PPARGC1A: variants seen among roughly 807,000 people sequenced by gnomAD.
PPARGC1A encodes peroxisome proliferator-activated receptor gamma coactivator 1-alpha.
A neutral mutation model predicts 88.7 loss-of-function variants in PPARGC1A; 25 were observed. The ratio of observed to expected loss-of-function variants is 0.28; its 90% CI spans 0.21 to 0.39. The LOEUF (loss-of-function observed/expected upper bound fraction) is 0.39, where lower values mean the gene tolerates loss of function less well. Ranked by LOEUF, PPARGC1A falls within the 10% of genes least tolerant of loss-of-function variation. The pLI, the probability that PPARGC1A is intolerant of heterozygous loss-of-function variation, is 1.00. For synonymous variants in PPARGC1A, 363 were observed against 355.6 expected (o/e 1.02, Z -0.24); for missense variants, 880 against 968.7 (o/e 0.91, Z 1.22).
At chr4:24,098,255 A>G in the PPARGC1A span, among the ~76,000 whole-genome samples, 9 of 152,240 alleles carry the variant, frequency 5.9e-5, no homozygotes, top group Non-Finnish European at 1.2e-4. Flanking sequence ...TATGGCTTAC[A>G]TGGGAAAAAC....
At chr4:24,462,082 TTTTG>T in the PPARGC1A span, among the ~76,000 whole-genome samples, 17 of 152,104 alleles carry the variant, frequency 1.1e-4, no homozygotes, top group South Asian at 2.1e-4. Context: ...GCAGCATGTT[TTTTG>T]TTTGTTTGTT....
the PPARGC1A span, among the ~76,000 whole-genome samples, chr4:24,314,744 T>C: frequency 2.6e-5 from 4 of 152,192 alleles, no homozygotes. Flanking sequence ...AAATGTGTTC[T>C]GTCCATCACC....
At chr4:24,176,604 G>T in the PPARGC1A span, among the ~76,000 whole-genome samples, 1 of 152,070 alleles carries the variant, frequency 6.6e-6, no homozygotes, top group Non-Finnish European at 1.5e-5. Context: ...TGGAGCCCTG[G>T]AGTGTGAAGA....
chr4:24,432,528 T>C, the PPARGC1A span, among the ~76,000 whole-genome samples: 503 of 152,306 alleles, frequency 3.3e-3, 2 homozygotes, highest in Middle Eastern at 0.02. Context: ...CATTTAGCGA[T>C]GCATAGAGCG....
the PPARGC1A span, among the ~76,000 whole-genome samples, chr4:24,150,134 G>A: frequency 6.6e-6 from 1 of 152,094 alleles, no homozygotes; most frequent in Admixed American, 6.6e-5. Context: ...TGCAAACAAG[G>A]TGAGAGAATC....
chr4:24,254,286 G>A, the PPARGC1A span, among the ~76,000 whole-genome samples: 1 of 152,136 alleles, frequency 6.6e-6, no homozygotes, highest in Non-Finnish European at 1.5e-5. Context: ...GAAAATATGT[G>A]AGATATTGGG....
the PPARGC1A span, among the ~76,000 whole-genome samples, chr4:23,910,098 CATAT>C: frequency 7.5e-6 from 1 of 133,440 alleles, no homozygotes; most frequent in Non-Finnish European, 1.5e-5. Flanking sequence ...ATATTTTACA[CATAT>C]ATATGTATAT....
At chr4:23,981,869 TG>T in the PPARGC1A span, among the ~76,000 whole-genome samples, 1 of 152,132 alleles carries the variant, frequency 6.6e-6, no homozygotes, top group Non-Finnish European at 1.5e-5. Context: ...AAGGAGATGC[TG>T]GGCTTAGTGA....
the PPARGC1A span, among the ~76,000 whole-genome samples, chr4:24,260,120 A>G: frequency 1.3e-5 from 2 of 152,226 alleles, no homozygotes; most frequent in Non-Finnish European, 2.9e-5. Context: ...TCATGTTTTT[A>G]CATTTTCTGA....
At chr4:24,289,989 G>A in the PPARGC1A span, among the ~76,000 whole-genome samples, 1 of 152,084 alleles carries the variant, frequency 6.6e-6, no homozygotes, top group African/African-American at 2.4e-5. Context: ...CATCTTACAT[G>A]GTAGCAGGCA....
chr4:24,283,260 T>A, the PPARGC1A span, among the ~76,000 whole-genome samples: 1 of 151,948 alleles, frequency 6.6e-6, no homozygotes, highest in Non-Finnish European at 1.5e-5. Flanking sequence ...CATGTCGACC[T>A]CCCACTGGGT....
the PPARGC1A span, among the ~76,000 whole-genome samples, chr4:24,400,753 C>T: frequency 1.3e-5 from 2 of 152,220 alleles, no homozygotes. Context: ...TAGCACCTAG[C>T]TCATCGTAAG....
chr4:24,113,569 T>G, the PPARGC1A span, among the ~76,000 whole-genome samples: 1 of 152,136 alleles, frequency 6.6e-6, no homozygotes, highest in Non-Finnish European at 1.5e-5. Flanking sequence ...GATCATTTGA[T>G]TGCTCTTTGT....
At chr4:23,976,258 A>G in the PPARGC1A span, among the ~76,000 whole-genome samples, 4 of 152,202 alleles carry the variant, frequency 2.6e-5, no homozygotes, top group Non-Finnish European at 4.4e-5. Flanking sequence ...TGATTTTGCT[A>G]AAAACATTCC....
the PPARGC1A span, among the ~76,000 whole-genome samples, chr4:24,135,840 G>A: frequency 6.6e-6 from 1 of 152,174 alleles, no homozygotes; most frequent in Admixed American, 6.5e-5. Flanking sequence ...TATACTCTGG[G>A]GGGGTCAATA....
At chr4:23,840,316 A>G (rs889802071) in intron 2 of PPARGC1A, among the ~76,000 whole-genome samples, 1 of 152,110 alleles carries the variant, frequency 6.6e-6, no homozygotes, top group Non-Finnish European at 1.5e-5. Context: ...CACTTGGCCA[A>G]CTTCATCTGA....
the PPARGC1A span, among the ~76,000 whole-genome samples, chr4:24,123,909 G>GT: frequency 1.6e-5 from 1 of 61,664 alleles, no homozygotes; most frequent in East Asian, 4.2e-4. Flanking sequence ...ATCTAAGTTG[G>GT]CAAAAAAAAA....
chr4:24,030,497 A>G, the PPARGC1A span, among the ~76,000 whole-genome samples: 1 of 152,220 alleles, frequency 6.6e-6, no homozygotes. Flanking sequence ...GACACCCACT[A>G]AAAATAATAC....
At chr4:24,406,205 G>A in the PPARGC1A span, among the ~76,000 whole-genome samples, 151,416 of 152,328 alleles carry the variant, frequency 0.99, 75,262 homozygotes, top group Middle Eastern at 1. Context: ...CTCGCCCTGG[G>A]TGGTTAGTAT....
Sources: allele counts gnomAD v4.1 joint callset (sites outside exome capture counted in the v4.1 genomes callset), GRCh38; gene constraint gnomAD v4.1.1; transcripts MANE v1.5; gene names NCBI Gene and HGNC (gene_info 2026-07-23, HGNC 2026-07-21).